Variants in KNL1 observed in about 807,000 individuals in gnomAD.
KNL1 encodes kinetochore scaffold 1, also known as outer kinetochore KNL1 complex subunit KNL1.
A neutral mutation model predicts 201.3 loss-of-function variants in KNL1; 66 were observed. The observed-to-expected ratio is 0.33, with a 90% confidence interval of 0.27 to 0.40. The LOEUF is 0.40. Among genes scored for constraint, KNL1 ranks in the 10% least tolerant of loss-of-function variants. KNL1 has a pLI of 1.00. For missense variants in KNL1, 2,815 were observed against 2,690.5 expected (o/e 1.05, Z -1.02); for synonymous variants, 895 against 899.2 (o/e 1.00, Z 0.08).
In KNL1 at chr15:40,624,734, C is replaced by T. The variant is rs773677542; in HGVS notation, c.4470C>T (p.Pro1490=). The T allele has an allele frequency of 9.3e-6, 15 of 1,613,530 alleles. No individual in the cohort carries two copies. In the East Asian group the frequency reaches 3.3e-4, roughly 36 times the overall value. The change falls in exon 10 of 26, where the codon CCC becomes CCT. Residue 1490 remains proline, a synonymous_variant. Transcript: ENST00000399668. The stretch of plus-strand genomic sequence containing the variant: ...CTGCACCCATATGTGAAAACAAGCC[C>T]AAAATACTCAATAGTGAGGAATGGT... The part of the protein sequence containing the change: ...NSSAPICENK[P]KILNSEEWFA...
intron 1 of KNL1, among the ~76,000 whole-genome samples, chr15:40,601,252 G>A (rs532528385): frequency 5.2e-4 from 79 of 152,276 alleles, no homozygotes; most frequent in African/African-American, 1.8e-3. Flanking sequence ...GATGATCAGA[G>A]GTGGAACAGT....
intron 13 of KNL1, among the ~76,000 whole-genome samples, chr15:40,640,619 T>A (rs535308541): frequency 6.6e-6 from 1 of 151,982 alleles, no homozygotes; most frequent in African/African-American, 2.4e-5. Context: ...TCCTGGTAAG[T>A]TGAATTTTTA....
intron 13 of KNL1, among the ~76,000 whole-genome samples, chr15:40,638,435 C>T (rs1198735562): frequency 3.9e-5 from 6 of 152,136 alleles, no homozygotes; most frequent in Non-Finnish European, 8.8e-5. Context: ...CCTCCTGCCT[C>T]AACCTCCTGG....
intron 13 of KNL1, among the ~76,000 whole-genome samples, chr15:40,635,897 C>T (rs1893042923): frequency 1.3e-5 from 2 of 152,010 alleles, no homozygotes; most frequent in African/African-American, 2.4e-5. Context: ...GACGGAGTCT[C>T]GCTCTGTCAC....
rs1363136201 is a variant in KNL1, at chr15:40,624,728, C to G, written c.4464C>G (p.Asn1488Lys). 1 of 1,613,372 alleles carries G rather than the reference C, an allele frequency of 6.2e-7. No homozygotes were observed. Among genetic ancestry groups the G allele is most frequent in the Non-Finnish European group, 8.5e-7 (1 of 1,179,834 alleles). Reference protein sequence around the residue: ...IENSSAPICENKPKILNSEEW... With the variant: ...IENSSAPICEKKPKILNSEEW... ...ATTCCTCTGCACCCATATGTGAAAACAAGCCCAAAATACTCAATAGTGAGG... is the reference window on the plus strand; with the variant it reads ...ATTCCTCTGCACCCATATGTGAAAAGAAGCCCAAAATACTCAATAGTGAGG... The change falls in exon 10 of 26, where the codon AAC becomes AAG. Residue 1488 changes from asparagine to lysine, a missense_variant. Physicochemically the swap from Asn to Lys is moderately conservative, Grantham distance 94. Transcript: ENST00000399668.
At chr15:40,631,638 C>T (rs1402067991) in intron 13 of KNL1, among the ~76,000 whole-genome samples, 1 of 151,516 alleles carries the variant, frequency 6.6e-6, no homozygotes, top group Non-Finnish European at 1.5e-5. Flanking sequence ...TCATAATATC[C>T]ACAAAAAAGA....
intron 14 of KNL1, 29 bp downstream of exon 14, chr15:40,641,056 T>G (rs940003031): frequency 2.8e-6 from 4 of 1,414,566 alleles, no homozygotes; most frequent in Non-Finnish European, 3.0e-6. Flanking sequence ...TTATGTGTGT[T>G]TTTTTGAGGG....
chr15:40,646,400 A>G (rs1893383302), intron 16 of KNL1, among the ~76,000 whole-genome samples: 1 of 151,964 alleles, frequency 6.6e-6, no homozygotes, highest in Admixed American at 6.6e-5. Flanking sequence ...TTTTATGTCA[A>G]TATGCTTTTT....
At chr15:40,601,977 G>A (rs1235198216) in intron 1 of KNL1, among the ~76,000 whole-genome samples, 1 of 146,312 alleles carries the variant, frequency 6.8e-6, no homozygotes, top group African/African-American at 2.5e-5. Flanking sequence ...TAGTAGCTGG[G>A]ACTACAGGTG....
intron 13 of KNL1, among the ~76,000 whole-genome samples, chr15:40,634,033 G>T (rs1892987507): frequency 6.6e-6 from 1 of 152,174 alleles, no homozygotes; most frequent in South Asian, 2.1e-4. Flanking sequence ...TGATATTAAT[G>T]ATCTTGACCC....
chr15:40,630,444 T>C (rs1892881652), intron 13 of KNL1, among the ~76,000 whole-genome samples: 1 of 152,174 alleles, frequency 6.6e-6, no homozygotes, highest in Admixed American at 6.5e-5. Flanking sequence ...ACACAATATC[T>C]TGTAGATGAA....
At chr15:40,627,937 C>G in intron 10 of KNL1, 133 bp from the exon 11 acceptor site, 1 of 635,234 alleles carries the variant, frequency 1.6e-6, no homozygotes, top group East Asian at 3.0e-5. Context: ...GTTACTTATT[C>G]TAATTCTTCA....
chr15:40,641,240 T>C (rs1425498382), intron 14 of KNL1, among the ~76,000 whole-genome samples: 1 of 152,220 alleles, frequency 6.6e-6, no homozygotes. Flanking sequence ...GGGTAAGTCA[T>C]TTAACCTTCA....
Position 40,645,036 on chromosome 15 carries a change from T to G in KNL1, c.5838T>G (p.Val1946=), listed in dbSNP as rs377165745. 6.2e-7 allele frequency: 1 copy of G among 1,612,510 alleles called. No homozygotes were observed. Among genetic ancestry groups the G allele is most frequent in the Non-Finnish European group, 8.5e-7 (1 of 1,179,096 alleles). The change falls in exon 15 of 26, where the codon GTT becomes GTG. Residue 1946 remains valine (V), a synonymous_variant. Transcript: ENST00000399668. ...CATCGAACCAAGATAAGCTGTTGGT[T>G]GATATAAATAAGAACCTGTGGGAAA... ...LSASNQDKLL[V]DINKNLWEKM...
intron 19 of KNL1, 101 bp downstream of exon 19, chr15:40,650,684 T>G: frequency 9.4e-7 from 1 of 1,068,678 alleles, no homozygotes. Flanking sequence ...GACATGAGTC[T>G]TGATTGAGGC....
At chr15:40,639,752 T>A (rs1893166108) in intron 13 of KNL1, among the ~76,000 whole-genome samples, 1 of 151,000 alleles carries the variant, frequency 6.6e-6, no homozygotes, top group Non-Finnish European at 1.5e-5. Flanking sequence ...GCAGCCTAGG[T>A]GACAGCTAGA....
At chr15:40,618,937 G>A in intron 8 of KNL1, 22 bp from the exon 9 acceptor site, 1 of 1,553,564 alleles carries the variant, frequency 6.4e-7, no homozygotes, top group Non-Finnish European at 8.8e-7. Context: ...TCTGACTACA[G>A]TTTTTTCTTT....
At chr15:40,659,214 G>A (rs1468964555) in intron 24 of KNL1, 125 bp from the exon 25 acceptor site, 63 of 677,934 alleles carry the variant, frequency 9.3e-5, no homozygotes, top group East Asian at 5.6e-4. Flanking sequence ...GCAGTGAGCC[G>A]AAATTGTGCA....
chr15:40,641,579 C>CT (rs763914297), intron 14 of KNL1, among the ~76,000 whole-genome samples: 4 of 152,164 alleles, frequency 2.6e-5, no homozygotes, highest in Non-Finnish European at 5.9e-5. Flanking sequence ...TTTACACAAA[C>CT]TTTGTTTCAT....
Sources: allele counts gnomAD v4.1 joint callset (sites outside exome capture counted in the v4.1 genomes callset), GRCh38; gene constraint gnomAD v4.1.1; transcripts MANE v1.5; gene names NCBI Gene and HGNC (gene_info 2026-07-23, HGNC 2026-07-21).